NDUFA10: variants seen among roughly 807,000 people sequenced by gnomAD.
NDUFA10 encodes NADH:ubiquinone oxidoreductase subunit A10, also known as NADH dehydrogenase [ubiquinone] 1 alpha subcomplex subunit 10, mitochondrial.
A neutral mutation model predicts 47.8 loss-of-function variants in NDUFA10; 40 were observed. That is an observed-to-expected ratio of 0.84 (90% CI 0.65 to 1.09). The LOEUF is 1.09. NDUFA10 is among the 50% of genes least tolerant of loss of function. NDUFA10 has a pLI of 0.00. For missense variants in NDUFA10, 413 were observed against 451.1 expected, an observed-to-expected ratio of 0.92 and a Z score of 0.76; for synonymous variants, 183 against 172.2, an observed-to-expected ratio of 1.06 and a Z score of -0.49.
At chr2:239,942,524 A>G (rs371215599) in intron 4 of NDUFA10, among the ~76,000 whole-genome samples, 16 of 152,332 alleles carry the variant, frequency 1.1e-4, no homozygotes, top group African/African-American at 3.8e-4. Context: ...GAGGTCTGAC[A>G]TCTTATTTTC....
chr2:240,021,553 A>G (rs1312523500), intron 2 of NDUFA10, 141 bp from the exon 3 acceptor site: 8 of 751,054 alleles, frequency 1.1e-5, no homozygotes, highest in South Asian at 7.4e-5. Context: ...AGTCACCTAC[A>G]TGCCTGGGTT....
intron 8 of NDUFA10, among the ~76,000 whole-genome samples, chr2:240,001,920 T>C (rs1386638320): frequency 6.6e-6 from 1 of 152,216 alleles, no homozygotes; most frequent in African/African-American, 2.4e-5. Flanking sequence ...TGAAATGTGT[T>C]GTCCACCTGG....
chr2:239,921,747 G>A (rs763317914), intron 4 of NDUFA10, among the ~76,000 whole-genome samples: 2 of 152,146 alleles, frequency 1.3e-5, no homozygotes, highest in Non-Finnish European at 2.9e-5. Context: ...ACATTAGTGA[G>A]GTTCTATGGA....
At chr2:239,977,203 C>T (rs977501563) in intron 9 of NDUFA10, among the ~76,000 whole-genome samples, 1 of 152,170 alleles carries the variant, frequency 6.6e-6, no homozygotes, top group African/African-American at 2.4e-5. Context: ...TAACGAAGGC[C>T]ACTGGACCCC....
intron 4 of NDUFA10, among the ~76,000 whole-genome samples, chr2:239,925,167 G>A (rs1694046707): frequency 6.6e-6 from 1 of 152,066 alleles, no homozygotes; most frequent in Non-Finnish European, 1.5e-5. Context: ...GCAGAAATCT[G>A]TGCAGATGTG....
intron 4 of NDUFA10, among the ~76,000 whole-genome samples, chr2:239,941,923 G>A (rs574813639): frequency 1.8e-3 from 277 of 152,212 alleles, no homozygotes; most frequent in Middle Eastern, 3.4e-3. Context: ...TTTAATATCA[G>A]TTTTCAACAT....
At chr2:239,993,190 TG>T (rs1696323650) in intron 8 of NDUFA10, among the ~76,000 whole-genome samples, 1 of 152,192 alleles carries the variant, frequency 6.6e-6, no homozygotes, top group African/African-American at 2.4e-5. Flanking sequence ...ACATGAATGG[TG>T]CAGAATCGAA....
At position 239,959,727 on chromosome 2, in the gene NDUFA10, G is replaced by A. The variant is rs552149779; in HGVS notation, c.*1391C>T. The A allele has an allele frequency of 1.6e-4, 119 of 742,768 alleles. No individual in the cohort carries two copies. The Admixed American group carries it at 2.0e-3, about 12-fold the overall frequency. 46.0% of individuals were successfully genotyped at this position (742,768 alleles called of 1,614,324 possible). A position where few individuals can be genotyped will look rare whatever the true frequency, so the allele number is the denominator to read the frequency against. The stretch of plus-strand genomic sequence containing the variant: ...GGCAGGGAGGAAAACAAGGACAGAC[G>A]GAAGGAAGGAAGAGAAGGAGGGAAG... On this transcript the variant is annotated 3_prime_UTR_variant, in exon 10 of 10. Coordinates refer to ENST00000252711, the MANE Select transcript of NDUFA10 (RefSeq NM_004544.4).
chr2:239,923,761 G>T (rs983639029), intron 4 of NDUFA10, among the ~76,000 whole-genome samples: 3 of 151,888 alleles, frequency 2.0e-5, no homozygotes, highest in Non-Finnish European at 4.4e-5. Context: ...TTAAAAAGCA[G>T]AAATCAATGA....
intron 7 of NDUFA10, among the ~76,000 whole-genome samples, chr2:240,005,991 A>T (rs1029525749): frequency 6.6e-6 from 1 of 152,170 alleles, no homozygotes; most frequent in African/African-American, 2.4e-5. Flanking sequence ...CAAACCCATT[A>T]CCTAGAGAGA....
chr2:239,939,085 A>G (rs1694316951), intron 4 of NDUFA10, among the ~76,000 whole-genome samples: 1 of 152,186 alleles, frequency 6.6e-6, no homozygotes, highest in East Asian at 1.9e-4. Context: ...GGCAGACGTA[A>G]GCTGGTGGCC....
intron 9 of NDUFA10, among the ~76,000 whole-genome samples, chr2:239,968,107 G>C (rs534693693): frequency 1.3e-5 from 2 of 152,222 alleles, no homozygotes; most frequent in Non-Finnish European, 2.9e-5. Flanking sequence ...CTCTTCTCTG[G>C]CTAGAAAAAC....
intron 8 of NDUFA10, among the ~76,000 whole-genome samples, chr2:240,002,911 G>A (rs75816212): frequency 0.08 from 12,119 of 152,054 alleles, 573 homozygotes; most frequent in Admixed American, 0.13. Flanking sequence ...GTACCGTGGC[G>A]TGAACACAGC....
At chr2:239,974,447 T>C (rs1308513073) in intron 9 of NDUFA10, among the ~76,000 whole-genome samples, 5 of 152,240 alleles carry the variant, frequency 3.3e-5, no homozygotes, top group African/African-American at 9.6e-5. Context: ...AAAAGGTCTT[T>C]CTTTACTCGT....
chr2:239,929,951 G>A (rs145535446), intron 4 of NDUFA10, among the ~76,000 whole-genome samples: 8,242 of 62,278 alleles, frequency 0.13, 552 homozygotes, highest in Middle Eastern at 0.37. Context: ...CTGCTCCTCC[G>A]CTGCCCCTGC....
intron 8 of NDUFA10, among the ~76,000 whole-genome samples, chr2:239,991,310 T>C (rs1219794941): frequency 1.3e-5 from 2 of 152,242 alleles, no homozygotes; most frequent in Non-Finnish European, 2.9e-5. Flanking sequence ...ACACGGTTAG[T>C]GATCCAATAA....
Position 240,016,975 on chromosome 2 carries a change from T to C in NDUFA10, c.547+1578A>G, listed in dbSNP as rs891465492. On this transcript the variant is annotated intron_variant, in intron 4 of 9. Transcript: ENST00000252711. This position sits in a 1 kb window ranked among gnomAD's most constrained non-coding sequence, Gnocchi z 4.4. The stretch of plus-strand genomic sequence containing the variant: ...GGCAGGTCCACGCCACTCCCCACTG[T>C]GCACACAGGAAACCACCCACCCAGG... Among the ~76,000 whole-genome samples the C allele has an allele frequency of 1.3e-5, 2 of 152,070 alleles. No homozygotes were observed. The highest frequency in any genetic ancestry group is 4.8e-5 in the African/African-American group (2 of 41,408).
intron 4 of NDUFA10, among the ~76,000 whole-genome samples, chr2:239,934,781 C>T (rs928637802): frequency 1.3e-5 from 2 of 152,198 alleles, no homozygotes; most frequent in African/African-American, 2.4e-5. Flanking sequence ...TCAATCACTT[C>T]GTTCCTTTCT....
intron 4 of NDUFA10, among the ~76,000 whole-genome samples, chr2:239,932,462 C>T (rs900655286): frequency 1.2e-4 from 19 of 152,234 alleles, no homozygotes; most frequent in African/African-American, 3.9e-4. Flanking sequence ...CCCGCAAGCC[C>T]GCAGGCGTGT....
Sources: gnomAD v4.1 joint callset for allele counts (sites outside exome capture counted in the v4.1 genomes callset) on GRCh38, gnomAD v4.1.1 for gene constraint, Gnocchi (gnomAD v3.1) non-coding constraint, MANE v1.5 for transcripts, NCBI Gene and HGNC (gene_info 2026-07-23, HGNC 2026-07-21) for gene names.